Variants in LOC128462377 observed in about 807,000 individuals in gnomAD.
the LOC128462377 span, among the ~76,000 whole-genome samples, chr16:89,357,990 A>G: frequency 1.3e-5 from 2 of 152,388 alleles, no homozygotes; most frequent in Non-Finnish European, 2.9e-5. Context: ...TCTGAAATCA[A>G]TCTCTTCAAA....
At chr16:89,397,962 C>A in the LOC128462377 span, among the ~76,000 whole-genome samples, 8 of 152,230 alleles carry the variant, frequency 5.3e-5, no homozygotes, top group Non-Finnish European at 1.0e-4. Context: ...GTTGTTGAAT[C>A]GGTGCAATAT....
chr16:89,341,805 C>T, the LOC128462377 span, among the ~76,000 whole-genome samples: 1 of 151,734 alleles, frequency 6.6e-6, no homozygotes, highest in African/African-American at 2.4e-5. Context: ...GAGTCTGGCA[C>T]GGATGGACCA....
the LOC128462377 span, among the ~76,000 whole-genome samples, chr16:89,388,293 A>ATGTTTTT: frequency 1.2e-5 from 1 of 85,266 alleles, no homozygotes; most frequent in Non-Finnish European, 2.3e-5. Context: ...CATGAGGCTG[A>ATGTTTTT]TTTTTTTTTT....
At chr16:89,353,169 C>A in the LOC128462377 span, among the ~76,000 whole-genome samples, 2 of 152,022 alleles carry the variant, frequency 1.3e-5, no homozygotes, top group Non-Finnish European at 2.9e-5. Context: ...TGGTGAAACC[C>A]CGTCTCTACT....
the LOC128462377 span, among the ~76,000 whole-genome samples, chr16:89,319,208 T>C: frequency 3.3e-5 from 5 of 152,066 alleles, no homozygotes; most frequent in Admixed American, 3.3e-4. Flanking sequence ...TCTGGCGTGG[T>C]CAGGGCGCAG....
At chr16:89,377,316 A>G in the LOC128462377 span, among the ~76,000 whole-genome samples, 1 of 152,164 alleles carries the variant, frequency 6.6e-6, no homozygotes, top group Non-Finnish European at 1.5e-5. Context: ...TGACACCATG[A>G]AAGATGCCAT....
At chr16:89,352,966 T>C in the LOC128462377 span, among the ~76,000 whole-genome samples, 37 of 152,384 alleles carry the variant, frequency 2.4e-4, 1 homozygote, top group African/African-American at 8.7e-4. Context: ...CAGAAAAGTT[T>C]ATGGAAAACA....
chr16:89,367,468 C>T, the LOC128462377 span, among the ~76,000 whole-genome samples: 205 of 152,318 alleles, frequency 1.3e-3, no homozygotes, highest in Admixed American at 2.8e-3. Flanking sequence ...AGGGGAGCGA[C>T]GCTCTCAAAC....
At chr16:89,386,999 C>A in the LOC128462377 span, among the ~76,000 whole-genome samples, 2 of 151,952 alleles carry the variant, frequency 1.3e-5, no homozygotes, top group African/African-American at 2.4e-5. Context: ...CCTGTATCGA[C>A]TGGGTGCTCT....
chr16:89,378,055 G>A, the LOC128462377 span, among the ~76,000 whole-genome samples: 2 of 151,946 alleles, frequency 1.3e-5, no homozygotes, highest in African/African-American at 4.8e-5. Context: ...CAATACATAC[G>A]ACATATAAAA....
the LOC128462377 span, among the ~76,000 whole-genome samples, chr16:89,372,097 G>A: frequency 9.9e-5 from 15 of 152,206 alleles, 1 homozygote; most frequent in South Asian, 2.5e-3. Flanking sequence ...GGACCACCAC[G>A]GCGGGCACCC....
chr16:89,341,360 T>C, the LOC128462377 span, among the ~76,000 whole-genome samples: 1 of 152,156 alleles, frequency 6.6e-6, no homozygotes, highest in East Asian at 1.9e-4. Context: ...ACAATTTAAG[T>C]TGTAACAGGG....
At chr16:89,391,001 G>C in the LOC128462377 span, among the ~76,000 whole-genome samples, 7 of 152,078 alleles carry the variant, frequency 4.6e-5, no homozygotes, top group African/African-American at 1.7e-4. Flanking sequence ...GGCCGAGGTG[G>C]GTGGATCACG....
At chr16:89,403,129 C>T in the LOC128462377 span, among the ~76,000 whole-genome samples, 1 of 152,190 alleles carries the variant, frequency 6.6e-6, no homozygotes, top group Admixed American at 6.5e-5. Flanking sequence ...GCGTGACGTG[C>T]CCTCGTGCTT....
At chr16:89,318,607 C>T in the LOC128462377 span, among the ~76,000 whole-genome samples, 1 of 152,220 alleles carries the variant, frequency 6.6e-6, no homozygotes, top group East Asian at 1.9e-4. Context: ...CCACCTCCAC[C>T]CCGTCAGCTA....
chr16:89,354,107 C>A, the LOC128462377 span, among the ~76,000 whole-genome samples: 1 of 152,148 alleles, frequency 6.6e-6, no homozygotes. Flanking sequence ...CCTCAGGTGC[C>A]GCCTGCAAGG....
At chr16:89,355,146 C>CA in the LOC128462377 span, among the ~76,000 whole-genome samples, 1 of 152,200 alleles carries the variant, frequency 6.6e-6, no homozygotes, top group Non-Finnish European at 1.5e-5. Flanking sequence ...CAAGGAGCCT[C>CA]AACCCAGTTG....
the LOC128462377 span, among the ~76,000 whole-genome samples, chr16:89,378,980 G>C: frequency 4.6e-5 from 7 of 152,224 alleles, no homozygotes; most frequent in Non-Finnish European, 1.0e-4. Flanking sequence ...GGTTCTGACG[G>C]CACACTGGGG....
At chr16:89,347,454 C>CA in the LOC128462377 span, among the ~76,000 whole-genome samples, 3 of 151,720 alleles carry the variant, frequency 2.0e-5, no homozygotes, top group Admixed American at 1.3e-4. Context: ...CTAAAAAATA[C>CA]AAAAAAATTA....
Sources: gnomAD v4.1 joint callset for allele counts (sites outside exome capture counted in the v4.1 genomes callset) on GRCh38, gnomAD v4.1.1 for gene constraint, MANE v1.5 for transcripts.